USP25: variants seen among roughly 807,000 people sequenced by gnomAD.
USP25 encodes ubiquitin specific peptidase 25.
A neutral mutation model predicts 158.5 loss-of-function variants in USP25; 85 were observed. The ratio of observed to expected loss-of-function variants is 0.54; its 90% CI spans 0.45 to 0.64. The LOEUF is 0.64. Among genes scored for constraint, USP25 ranks in the 30% least tolerant of loss-of-function variants. The probability of loss-of-function intolerance (pLI) is 0.00; values close to 1 mark genes in which losing one functional copy is unlikely to be tolerated. For missense variants in USP25, 1,242 were observed against 1,327.3 expected (o/e 0.94, Z 1.00); for synonymous variants, 464 against 460.4 (o/e 1.01, Z -0.10).
At chr21:15,790,636 T>G (rs1334143969) in intron 4 of USP25, among the ~76,000 whole-genome samples, 3 of 148,934 alleles carry the variant, frequency 2.0e-5, no homozygotes, top group Non-Finnish European at 4.5e-5. Flanking sequence ...TTTAGAATAA[T>G]AAGTAACAAG....
chr21:15,812,930 T>G (rs2036744159), intron 9 of USP25, among the ~76,000 whole-genome samples: 1 of 152,168 alleles, frequency 6.6e-6, no homozygotes, highest in African/African-American at 2.4e-5. Flanking sequence ...CTCAACTTTT[T>G]GAGAACTTCT....
rs755308778 is a variant in USP25, at chr21:15,826,523, GTT to G, written c.1466+164_1466+165del. Among the ~76,000 whole-genome samples, 1 of 152,052 alleles carries G rather than the reference GTT, an allele frequency of 6.6e-6. No individual in the cohort carries two copies. The highest frequency in any genetic ancestry group is 1.5e-5 in the Non-Finnish European group (1 of 68,004). On this transcript the variant is annotated intron_variant, in intron 13 of 25. Coordinates refer to ENST00000400183, the MANE Select transcript of USP25 (RefSeq NM_001283041.3). This position sits in a 1 kb window ranked among gnomAD's most constrained non-coding sequence, Gnocchi z 4.8. ...TTAGAAGACTGTATGTCCTCTGGGA[GTT>G]TTTTTATTATTTCAGTAGATTTTAT...
At position 15,811,197 on chromosome 21, in the gene USP25, G is replaced by T; in HGVS notation, c.918G>T (p.Val306=). The T allele has an allele frequency of 6.2e-7, 1 of 1,612,556 alleles. No homozygotes were observed. The highest frequency in any genetic ancestry group is 1.1e-5 in the South Asian group (1 of 90,800). The change falls in exon 9 of 26, where the codon GTG becomes GTT. Residue 306 remains valine, a synonymous_variant. Transcript: ENST00000400183. ...VELFYGRFLA[V]GVLEGKKFEN... ...TGTTCTATGGCAGATTCCTGGCTGT[G>T]GGAGTACTTGAAGGTAGAGTTATAC... is the stretch of plus-strand genomic sequence containing the variant.
At chr21:15,860,257 A>G (rs754325558) in intron 20 of USP25, among the ~76,000 whole-genome samples, 2 of 152,064 alleles carry the variant, frequency 1.3e-5, no homozygotes, top group Admixed American at 6.5e-5. Context: ...GGTTCAAGCA[A>G]TTGTCCTGCC....
At chr21:15,781,688 C>A (rs530255368) in intron 4 of USP25, among the ~76,000 whole-genome samples, 1 of 152,070 alleles carries the variant, frequency 6.6e-6, no homozygotes, top group Non-Finnish European at 1.5e-5. Context: ...GTCTCCCCTG[C>A]GAGGATTGAA....
At chr21:15,878,020 T>TGA in intron 25 of USP25, 29 bp downstream of exon 25, 1 of 1,551,536 alleles carries the variant, frequency 6.4e-7, no homozygotes, top group Non-Finnish European at 8.7e-7. Flanking sequence ...AGTAGGCACC[T>TGA]GAGATGTCCG....
chr21:15,804,862 T>C (rs2036302017), intron 6 of USP25, among the ~76,000 whole-genome samples: 1 of 152,114 alleles, frequency 6.6e-6, no homozygotes, highest in African/African-American at 2.4e-5. Flanking sequence ...AGTAATGACA[T>C]GATTTGCTGT....
chr21:15,825,749 A>G (rs1415670371), intron 12 of USP25, among the ~76,000 whole-genome samples: 1 of 152,178 alleles, frequency 6.6e-6, no homozygotes, highest in Non-Finnish European at 1.5e-5. Flanking sequence ...AGTAGTCTAA[A>G]ACTTCTTACA....
chr21:15,869,163 G>C (rs945588250), intron 22 of USP25, among the ~76,000 whole-genome samples: 1 of 151,710 alleles, frequency 6.6e-6, no homozygotes, highest in African/African-American at 2.4e-5. Flanking sequence ...TAGGAGGATT[G>C]CTGGAGCCCA....
Position 15,782,466 on chromosome 21 carries a change from C to G in USP25, c.392+4439C>G, listed in dbSNP as rs58116084. Among the ~76,000 whole-genome samples, 515 of 152,300 alleles carry G rather than the reference C, an allele frequency of 3.4e-3. 4 individuals are homozygous for G. Among genetic ancestry groups the G allele is most frequent in the African/African-American group, 0.012 (494 of 41,570 alleles). ...CATCCACCCCTGGCCTGATAGCCAG[C>G]CCAGCAGTAACCCTGCTGCCATTCA... is the stretch of plus-strand genomic sequence containing the variant. On this transcript the variant is annotated intron_variant, in intron 4 of 25. Transcript: ENST00000400183.
At chr21:15,744,161 C>T (rs2032319002) in intron 1 of USP25, 1 of 152,730 alleles carries the variant, frequency 6.5e-6, no homozygotes, top group East Asian at 1.9e-4. Flanking sequence ...GTAGGGGTTT[C>T]AGGCCTTTGG....
chr21:15,765,417 T>G (rs1203944676), intron 2 of USP25, among the ~76,000 whole-genome samples: 1 of 152,112 alleles, frequency 6.6e-6, no homozygotes, highest in Non-Finnish European at 1.5e-5. Flanking sequence ...ATGTATCTAT[T>G]TAATTTGAGC....
At position 15,879,263 on chromosome 21, in the gene USP25, A is replaced by G. The variant is rs1348938193; in HGVS notation, c.*788A>G. The G allele has an allele frequency of 6.6e-6, 1 of 152,534 alleles. No individual in the cohort carries two copies. The highest frequency in any genetic ancestry group is 1.9e-4 in the East Asian group (1 of 5,204). 9.4% of individuals were successfully genotyped at this position (152,534 alleles called of 1,614,324 possible). A position where few individuals can be genotyped will look rare whatever the true frequency, so the allele number is the denominator to read the frequency against. On this transcript the variant is annotated 3_prime_UTR_variant, in exon 26 of 26. Transcript: ENST00000400183. ...AATATACAGCAAGGTGATTATTTCA[A>G]GAGAATCCCAAAGTACTTGAATAAG... is the stretch of plus-strand genomic sequence containing the variant.
At chr21:15,848,495 T>TA (rs2038732272) in intron 19 of USP25, among the ~76,000 whole-genome samples, 1 of 152,000 alleles carries the variant, frequency 6.6e-6, no homozygotes, top group Non-Finnish European at 1.5e-5. Context: ...GAACGGCCAG[T>TA]AAAGCTGTTT....
intron 1 of USP25, among the ~76,000 whole-genome samples, chr21:15,738,313 T>C (rs1038202822): frequency 6.6e-6 from 1 of 152,204 alleles, no homozygotes; most frequent in African/African-American, 2.4e-5. Context: ...TTTAGAATGA[T>C]CATACCAAGC....
At chr21:15,735,961 A>T (rs1324685512) in intron 1 of USP25, among the ~76,000 whole-genome samples, 1 of 136,590 alleles carries the variant, frequency 7.3e-6, no homozygotes, top group African/African-American at 3.1e-5. Flanking sequence ...TTTTGTCCTA[A>T]ATCTGTGTGT....
chr21:15,821,007 T>C (rs927175168), intron 10 of USP25, among the ~76,000 whole-genome samples: 5 of 151,992 alleles, frequency 3.3e-5, no homozygotes, highest in Non-Finnish European at 7.4e-5. Flanking sequence ...CATTTTAACT[T>C]TTAAATGGTA....
chr21:15,831,319 C>T (rs2146389243), intron 15 of USP25, 82 bp from the exon 16 acceptor site: 1 of 1,313,476 alleles, frequency 7.6e-7, no homozygotes, highest in South Asian at 1.3e-5. Context: ...TTTCTCCAAA[C>T]AGGTTGTTTG....
chr21:15,776,187 C>G (rs2034646247), intron 3 of USP25, among the ~76,000 whole-genome samples: 1 of 152,150 alleles, frequency 6.6e-6, no homozygotes, highest in Admixed American at 6.5e-5. Flanking sequence ...TGTAACCAGA[C>G]TTGTAAAACC....
Sources: gnomAD v4.1 joint callset for allele counts (sites outside exome capture counted in the v4.1 genomes callset) on GRCh38, gnomAD v4.1.1 for gene constraint, Gnocchi (gnomAD v3.1) non-coding constraint, MANE v1.5 for transcripts, NCBI Gene and HGNC (gene_info 2026-07-23, HGNC 2026-07-21) for gene names.